FLI1: variants seen among roughly 807,000 people sequenced by gnomAD.
FLI1 encodes Friend leukemia integration 1 transcription factor.
A neutral mutation model predicts 53.1 loss-of-function variants in FLI1; 13 were observed. That is an observed-to-expected ratio of 0.24 (90% CI 0.16 to 0.39). The LOEUF is 0.39. Among genes scored for constraint, FLI1 ranks in the 10% least tolerant of loss-of-function variants. The probability of loss-of-function intolerance (pLI) is 1.00; values close to 1 mark genes in which losing one functional copy is unlikely to be tolerated. For synonymous variants in FLI1, 244 were observed against 236.7 expected, an observed-to-expected ratio of 1.03 and a Z score of -0.28; for missense variants, 424 against 600.5, an observed-to-expected ratio of 0.71 and a Z score of 3.07.
At chr11:128,805,313 T>G in intron 5 of FLI1, 53 bp from the exon 6 acceptor site, 1 of 1,132,870 alleles carries the variant, frequency 8.8e-7, no homozygotes, top group Non-Finnish European at 1.3e-6. Flanking sequence ...CTCATGCAAC[T>G]TTTCTGAGAA....
intron 1 of FLI1, among the ~76,000 whole-genome samples, chr11:128,749,830 G>A (rs1480789846): frequency 6.6e-6 from 1 of 152,128 alleles, no homozygotes; most frequent in Admixed American, 6.6e-5. Flanking sequence ...CAGTGGAAAT[G>A]AGGAGCAAGA....
chr11:128,693,993 A>C, upstream of FLI1: 1 of 262,042 alleles, frequency 3.8e-6, no homozygotes, highest in Non-Finnish European at 6.7e-6. Flanking sequence ...AGAGAGAGAG[A>C]TAGGACTTCC....
chr11:128,789,872 C>A (rs1942214891), intron 5 of FLI1, among the ~76,000 whole-genome samples: 1 of 152,174 alleles, frequency 6.6e-6, no homozygotes, highest in Non-Finnish European at 1.5e-5. Flanking sequence ...ATCTCTCATG[C>A]AGCAGGTTGT....
chr11:128,695,296 G>A (rs970277990), intron 1 of FLI1, among the ~76,000 whole-genome samples: 5 of 152,268 alleles, frequency 3.3e-5, no homozygotes, highest in Non-Finnish European at 7.3e-5. Context: ...CAGGAGCAGA[G>A]AGGAGGGACA....
chr11:128,691,965 A>AG (rs1448118906), upstream of FLI1: 1 of 151,914 alleles, frequency 6.6e-6, no homozygotes, highest in East Asian at 1.9e-4. Context: ...AGCACCAGGA[A>AG]GGGGGGCCTC....
chr11:128,704,349 G>C (rs2135707796), intron 1 of FLI1, among the ~76,000 whole-genome samples: 1 of 152,238 alleles, frequency 6.6e-6, no homozygotes, highest in East Asian at 1.9e-4. Flanking sequence ...GTTTCTCCGA[G>C]CTGGTTGTTT....
At chr11:128,720,410 G>T (rs901003248) in intron 1 of FLI1, among the ~76,000 whole-genome samples, 5 of 152,120 alleles carry the variant, frequency 3.3e-5, no homozygotes, top group Non-Finnish European at 7.3e-5. Flanking sequence ...TTCAGTATAG[G>T]CTCTAAAAAG....
At chr11:128,689,432 T>G (rs900352061), upstream of FLI1, among the ~76,000 whole-genome samples, 1 of 152,126 alleles carries the variant, frequency 6.6e-6, no homozygotes, top group African/African-American at 2.4e-5. Flanking sequence ...TTGCTCTAAC[T>G]CCTTCACTTA....
At chr11:128,788,075 CA>C (rs1245563461) in intron 5 of FLI1, among the ~76,000 whole-genome samples, 1 of 151,694 alleles carries the variant, frequency 6.6e-6, no homozygotes, top group Non-Finnish European at 1.5e-5. Context: ...CTCCTAATTA[CA>C]GTATCCCGCT....
chr11:128,729,163 C>T lies in FLI1; in HGVS notation c.19-28952C>T, dbSNP rs531051310. Reference sequence around the variant, plus strand: ...AGGGCAACACAAAGGACTCCCAGCCCGGCTCTGCCAAGAGACTTTGTTGTG... The same window carrying T: ...AGGGCAACACAAAGGACTCCCAGCCTGGCTCTGCCAAGAGACTTTGTTGTG... On this transcript the variant is annotated intron_variant, in intron 1 of 8. Transcript: ENST00000527786. 6.6e-5 allele frequency among the ~76,000 whole-genome samples: 10 copies of T among 152,254 alleles called. No homozygotes were observed. In the East Asian group the frequency reaches 1.3e-3, roughly 21 times the overall value.
At chr11:128,697,901 T>C (rs760078603) in intron 1 of FLI1, among the ~76,000 whole-genome samples, 1 of 152,100 alleles carries the variant, frequency 6.6e-6, no homozygotes, top group Non-Finnish European at 1.5e-5. Flanking sequence ...CTCAGTTGAG[T>C]GGTGATATAT....
chr11:128,740,760 C>T (rs1591769474), intron 1 of FLI1, among the ~76,000 whole-genome samples: 1 of 152,162 alleles, frequency 6.6e-6, no homozygotes, highest in South Asian at 2.1e-4. Context: ...ATTATAGGGT[C>T]CTCCCTTCAG....
At chr11:128,770,264 A>G (rs1941503830) in intron 3 of FLI1, among the ~76,000 whole-genome samples, 1 of 152,230 alleles carries the variant, frequency 6.6e-6, no homozygotes, top group Non-Finnish European at 1.5e-5. Flanking sequence ...TTCATGTCAA[A>G]TGATTTTCAA....
intron 2 of FLI1, among the ~76,000 whole-genome samples, chr11:128,762,825 G>A (rs572458511): frequency 1.7e-4 from 26 of 152,156 alleles, no homozygotes; most frequent in Middle Eastern, 3.4e-3. Context: ...GCATGGTGGC[G>A]CATGCCTGTA....
At chr11:128,687,867 T>C (rs530876028) in intron 1 of FLI1, among the ~76,000 whole-genome samples, 1 of 152,288 alleles carries the variant, frequency 6.6e-6, no homozygotes, top group African/African-American at 2.4e-5. Context: ...TGACAATGCC[T>C]GAGTGAGTGA....
At chr11:128,701,148 A>G (rs607724) in intron 1 of FLI1, among the ~76,000 whole-genome samples, 76,507 of 151,864 alleles carry the variant, frequency 0.5, 19,475 homozygotes, top group African/African-American at 0.58. Flanking sequence ...ATATGGCATT[A>G]GGGGAGGGAG....
intron 5 of FLI1, among the ~76,000 whole-genome samples, chr11:128,796,595 C>G (rs1203218634): frequency 6.6e-6 from 1 of 152,190 alleles, no homozygotes; most frequent in Admixed American, 6.5e-5. Context: ...GGTTCTTTTT[C>G]TTTTAACTAC....
chr11:128,772,631 G>A (rs1378544761), intron 3 of FLI1, 151 bp from the exon 4 acceptor site: 4 of 672,276 alleles, frequency 5.9e-6, no homozygotes, highest in Non-Finnish European at 1.0e-5. Context: ...GGAGCCTGAT[G>A]AGTGTTCTAG....
rs184570202 is a variant in FLI1, at chr11:128,809,888, T to C, written c.830-571T>C. Among the ~76,000 whole-genome samples the C allele has an allele frequency of 3.9e-5, 6 of 152,222 alleles. No homozygotes were observed. The East Asian group carries it at 1.2e-3, about 30-fold the overall frequency. ...ACCCAGCATATTCTGGGTATTTTTC[T>C]CTCTGCACAAGTTCTCTGTAGAACT... On this transcript the variant is annotated intron_variant, in intron 8 of 8. Transcript: ENST00000527786.
Sources: gnomAD v4.1 joint callset for allele counts (sites outside exome capture counted in the v4.1 genomes callset) on GRCh38, gnomAD v4.1.1 for gene constraint, MANE v1.5 for transcripts, NCBI Gene and HGNC (gene_info 2026-07-23, HGNC 2026-07-21) for gene names.